PRDM11: variants seen among roughly 807,000 people sequenced by gnomAD.
PRDM11 encodes PR domain-containing protein 11.
Under a neutral mutation model 97.8 loss-of-function variants are expected in PRDM11, and 20 were observed. The observed-to-expected ratio is 0.20, with a 90% CI of 0.14 to 0.30. PRDM11 has a LOEUF of 0.30. Among genes scored for constraint, PRDM11 ranks in the 10% least tolerant of loss-of-function variants. The pLI is 1.00. For synonymous variants in PRDM11, 599 were observed against 637.7 expected, an observed-to-expected ratio of 0.94 and a Z score of 0.91; for missense variants, 1,139 against 1,555.2, an observed-to-expected ratio of 0.73 and a Z score of 4.50.
intron 5 of PRDM11, among the ~76,000 whole-genome samples, chr11:45,205,724 G>T (rs545468373): frequency 6.6e-6 from 1 of 152,316 alleles, no homozygotes; most frequent in East Asian, 1.9e-4. Context: ...TAAACTCGGA[G>T]ACTTTCTAAG....
intron 1 of PRDM11, among the ~76,000 whole-genome samples, chr11:45,149,317 C>T (rs766786433): frequency 1.3e-5 from 2 of 152,256 alleles, no homozygotes; most frequent in Non-Finnish European, 2.9e-5. Context: ...CTAAAAGCTA[C>T]CGAATGATCT....
intron 1 of PRDM11, among the ~76,000 whole-genome samples, chr11:45,117,226 C>CAAAA (rs34073689): frequency 3.6e-5 from 3 of 82,244 alleles, no homozygotes; most frequent in African/African-American, 1.0e-4. Flanking sequence ...GACTCCATCT[C>CAAAA]AAAAAAAAAA....
intron 5 of PRDM11, among the ~76,000 whole-genome samples, chr11:45,208,207 C>T (rs546043584): frequency 1.3e-5 from 2 of 152,332 alleles, no homozygotes; most frequent in African/African-American, 4.8e-5. Context: ...GGGAAGGAAA[C>T]CTGTTTGCCT....
intron 1 of PRDM11, among the ~76,000 whole-genome samples, chr11:45,100,540 C>T (rs1851955142): frequency 6.6e-6 from 1 of 152,232 alleles, no homozygotes; most frequent in Non-Finnish European, 1.5e-5. Flanking sequence ...GCCATACCCA[C>T]CCACTGGTGC....
At chr11:45,125,218 AT>A (rs1442852055) in intron 1 of PRDM11, among the ~76,000 whole-genome samples, 1 of 150,520 alleles carries the variant, frequency 6.6e-6, no homozygotes, top group African/African-American at 2.4e-5. Flanking sequence ...CATCTATTTG[AT>A]TCTTCTCTCT....
chr11:45,098,512 TCCACTTTACAGGTGGGAAA>T (rs1318024545), intron 1 of PRDM11, among the ~76,000 whole-genome samples: 3 of 152,156 alleles, frequency 2.0e-5, no homozygotes, highest in Non-Finnish European at 4.4e-5. Context: ...TAATGCTAGT[TCCACTTTACAGGTGGGAAA>T]CCAGGCCAGG....
chr11:45,176,431 A>G (rs1852330068), intron 1 of PRDM11, among the ~76,000 whole-genome samples: 1 of 152,210 alleles, frequency 6.6e-6, no homozygotes, highest in Non-Finnish European at 1.5e-5. Flanking sequence ...ATACTTTTAA[A>G]TATTAATAAA....
chr11:45,181,681 C>A, intron 1 of PRDM11, 80 bp from the exon 2 acceptor site: 1 of 1,214,850 alleles, frequency 8.2e-7, no homozygotes, highest in Non-Finnish European at 1.2e-6. Context: ...GAGACCCCCA[C>A]TTGCCCTCTC....
intron 4 of PRDM11, among the ~76,000 whole-genome samples, chr11:45,199,686 C>G (rs1438993264): frequency 6.6e-6 from 1 of 152,186 alleles, no homozygotes; most frequent in Non-Finnish European, 1.5e-5. Context: ...GGGGGCTTGT[C>G]CTGAGCATCT....
Position 45,233,601 on chromosome 11 carries a change from C to T in PRDM11, c.*5442C>T, listed in dbSNP as rs530901765. On this transcript the variant is annotated 3_prime_UTR_variant, in exon 8 of 8. Coordinates refer to ENST00000683152, the MANE Select transcript of PRDM11 (RefSeq NM_001384648.1). ...AGAGCTGGTCCAGGAAAGATACCGC[C>T]CCTGCCCTGTTAGATGCTTCTGCTG... The T allele has an allele frequency of 6.6e-6, 1 of 152,430 alleles. No homozygotes were observed. The highest frequency in any genetic ancestry group is 1.9e-4 in the East Asian group (1 of 5,170). The allele number at this position is 152,430 out of a possible 1,614,324, so 9.4% of individuals were successfully genotyped here.
rs537121543 is a variant in PRDM11 at position 45,191,275 on chromosome 11, G to A, written c.486+8152G>A. Among the ~76,000 whole-genome samples, 8 of 152,186 alleles carry A rather than the reference G, an allele frequency of 5.3e-5. No homozygotes were observed. In the East Asian group the frequency reaches 1.5e-3, roughly 29 times the overall value. On this transcript the variant is annotated intron_variant, in intron 4 of 7. Coordinates refer to ENST00000683152, the MANE Select transcript of PRDM11 (RefSeq NM_001384648.1). ...ACAAGCAATGTTAGGTCTTTCTCACGGTGTGCCATCAGGAGGCACCTGGTG... is the reference window on the plus strand; with the variant it reads ...ACAAGCAATGTTAGGTCTTTCTCACAGTGTGCCATCAGGAGGCACCTGGTG...
rs745392305 is a variant in PRDM11, at chr11:45,182,363, G to C, written c.223+14G>C. 8 of 1,608,702 alleles carry C rather than the reference G, an allele frequency of 5.0e-6. No individual in the cohort carries two copies. The highest frequency in any genetic ancestry group is 1.7e-5 in the Admixed American group (1 of 59,880). On this transcript the variant is annotated intron_variant, in intron 3 of 7. Coordinates refer to ENST00000683152, the MANE Select transcript of PRDM11 (RefSeq NM_001384648.1). Reference sequence around the variant, plus strand: ...TGGACTTCTGGTGTAAGTGGAGCTTGGGGCTCTGGGCTGCTCCTCCCTTCA... The same window carrying C: ...TGGACTTCTGGTGTAAGTGGAGCTTCGGGCTCTGGGCTGCTCCTCCCTTCA...
At position 45,112,506 on chromosome 11, in the gene PRDM11, A is replaced by T. The variant is rs192503835; in HGVS notation, c.96+16605A>T. Among the ~76,000 whole-genome samples the T allele has an allele frequency of 4.6e-5, 7 of 152,314 alleles. No individual in the cohort carries two copies. The East Asian group carries it at 1.3e-3, about 29-fold the overall frequency. ...AGTTCTACATTTAGCTCTTTAAGGA[A>T]TCTCCATACTGTTTTCCATAGTGGT... On this transcript the variant is annotated intron_variant, in intron 1 of 6. Transcript: ENST00000530656.
chr11:45,132,873 C>G (rs1300661329), intron 1 of PRDM11, among the ~76,000 whole-genome samples: 1 of 152,152 alleles, frequency 6.6e-6, no homozygotes, highest in Non-Finnish European at 1.5e-5. Flanking sequence ...AAAGCCAGCC[C>G]AGGGACAGCA....
At chr11:45,140,767 C>CAA (rs796101690) in intron 1 of PRDM11, among the ~76,000 whole-genome samples, 1 of 140,610 alleles carries the variant, frequency 7.1e-6, no homozygotes. Context: ...TCTCCTGGGA[C>CAA]AAAAAAAAAA....
chr11:45,153,825 G>C (rs972866959), intron 1 of PRDM11, among the ~76,000 whole-genome samples: 23 of 152,138 alleles, frequency 1.5e-4, no homozygotes, highest in Non-Finnish European at 1.8e-4. Context: ...TAAACACCTA[G>C]AAGGAACATG....
At chr11:45,110,727 G>A (rs568536071) in intron 1 of PRDM11, among the ~76,000 whole-genome samples, 2 of 152,172 alleles carry the variant, frequency 1.3e-5, no homozygotes, top group South Asian at 2.1e-4. Flanking sequence ...ATCCAGGTGC[G>A]GGGTGCAAGG....
intron 1 of PRDM11, among the ~76,000 whole-genome samples, chr11:45,159,498 G>A (rs962360861): frequency 5.9e-5 from 9 of 152,222 alleles, no homozygotes; most frequent in African/African-American, 2.2e-4. Context: ...CCAGTTTGCG[G>A]ATGAAGGAGT....
At chr11:45,114,918 C>T (rs1012405686) in intron 1 of PRDM11, among the ~76,000 whole-genome samples, 1 of 152,044 alleles carries the variant, frequency 6.6e-6, no homozygotes, top group Non-Finnish European at 1.5e-5. Flanking sequence ...AACTCACTGC[C>T]AGTAGACCTG....
Sources: allele counts gnomAD v4.1 joint callset (sites outside exome capture counted in the v4.1 genomes callset), GRCh38; gene constraint gnomAD v4.1.1; transcripts MANE v1.5; gene names NCBI Gene and HGNC (gene_info 2026-07-23, HGNC 2026-07-21).